The following CSMD2 variants were observed in gnomAD, a reference collection of about 807,000 sequenced individuals.
CSMD2 encodes CUB and Sushi multiple domains 2.
A neutral mutation model predicts 398.5 loss-of-function variants in CSMD2; 130 were observed. That is an observed-to-expected ratio of 0.33 (90% confidence interval 0.28 to 0.38). The LOEUF (loss-of-function observed/expected upper bound fraction) is 0.38. CSMD2 is among the 10% of genes least tolerant of loss of function. The pLI is 1.00. For missense variants in CSMD2, 3,829 were observed against 4,764.9 expected (o/e 0.80, Z 5.78); for synonymous variants, 1,828 against 1,908.5 (o/e 0.96, Z 1.10).
At chr1:33,657,858 C>A (rs1643997965) in intron 27 of CSMD2, 88 bp downstream of exon 27, 6 of 1,298,762 alleles carry the variant, frequency 4.6e-6, no homozygotes, top group Non-Finnish European at 1.1e-6. Context: ...TGGCCCCAGG[C>A]CCAAGATGCA....
At chr1:34,011,104 G>A (rs1383735737) in intron 3 of CSMD2, among the ~76,000 whole-genome samples, 1 of 152,112 alleles carries the variant, frequency 6.6e-6, no homozygotes, top group Non-Finnish European at 1.5e-5. Flanking sequence ...CTTGGTCACT[G>A]TGTTTTGACT....
At position 33,772,691 on chromosome 1, in the gene CSMD2, G is replaced by A. The variant is rs867069952; in HGVS notation, c.1724C>T (p.Ser575Phe). 3 of 1,614,012 alleles carry A rather than the reference G, an allele frequency of 1.9e-6. No individual in the cohort carries two copies. The highest frequency in any genetic ancestry group is 1.3e-5 in the African/African-American group (1 of 74,916). ...GIPAYGRREGSRFHHGDTLKF... is the reference protein window; with the variant it reads ...GIPAYGRREGFRFHHGDTLKF... ...GAGTGTGTCACCGTGGTGAAACCGG[G>A]AGCCTTCCCTCCGGCCATATGCAGG... The change falls in exon 13 of 71, where the codon TCC becomes TTC. Residue 575 changes from serine (S) to phenylalanine (F), a missense_variant. By Grantham distance (155) the Ser-to-Phe change is radical (BLOSUM62 -2). Transcript: ENST00000373381.
chr1:33,521,993 T>C (rs1263561857), intron 67 of CSMD2, among the ~76,000 whole-genome samples: 1 of 152,192 alleles, frequency 6.6e-6, no homozygotes, highest in Non-Finnish European at 1.5e-5. Context: ...CACAGAACCA[T>C]GCTGAAAATG....
intron 14 of CSMD2, among the ~76,000 whole-genome samples, chr1:33,741,467 G>A (rs1647065250): frequency 6.6e-6 from 1 of 152,150 alleles, no homozygotes; most frequent in Non-Finnish European, 1.5e-5. Context: ...TTCTAATTCA[G>A]CAGGTCTAGG....
At chr1:33,909,765 T>C (rs566038585) in intron 5 of CSMD2, among the ~76,000 whole-genome samples, 4 of 152,318 alleles carry the variant, frequency 2.6e-5, no homozygotes, top group Admixed American at 2.6e-4. Flanking sequence ...CAGGTGTAGC[T>C]GTTGATTTTA....
At chr1:33,931,048 C>A (rs191739076) in intron 4 of CSMD2, among the ~76,000 whole-genome samples, 2 of 152,352 alleles carry the variant, frequency 1.3e-5, no homozygotes, top group Admixed American at 1.3e-4. Flanking sequence ...GATTGTCACT[C>A]AGAGCTACTG....
chr1:33,839,775 C>T (rs1660666701), intron 6 of CSMD2: 1 of 152,212 alleles, frequency 6.6e-6, no homozygotes, highest in Non-Finnish European at 1.5e-5. Context: ...TGGTACATTT[C>T]ATCCTTAGAT....
chr1:33,610,804 G>A (rs994934037), intron 41 of CSMD2, among the ~76,000 whole-genome samples: 1 of 152,186 alleles, frequency 6.6e-6, no homozygotes, highest in Non-Finnish European at 1.5e-5. Context: ...CAGAGTGGGA[G>A]CCTCAGAGGG....
intron 25 of CSMD2, among the ~76,000 whole-genome samples, chr1:33,683,504 C>T (rs1262208302): frequency 6.6e-6 from 1 of 152,186 alleles, no homozygotes; most frequent in Non-Finnish European, 1.5e-5. Flanking sequence ...AGGGAACGTG[C>T]ATTTCTTTGG....
In CSMD2 at chr1:33,904,938, G is replaced by A. The variant is rs370635396; in HGVS notation, c.920+13156C>T. Among the ~76,000 whole-genome samples the A allele has an allele frequency of 4.4e-4, 67 of 151,896 alleles. 1 individual carries two copies. In the South Asian group the frequency reaches 0.013, roughly 30 times the overall value. On this transcript the variant is annotated intron_variant, in intron 5 of 70. Coordinates refer to ENST00000373381, the MANE Select transcript of CSMD2 (RefSeq NM_001281956.2). ...TGGGATTACAGGCATGAGCCACCGT[G>A]TCCAGCCGATAGGTTTTATGTTATA...
At chr1:34,165,599 A>AACAC (rs113072230), upstream of CSMD2, 285 of 637,018 alleles carry the variant, frequency 4.5e-4, 1 homozygote, top group South Asian at 5.0e-3. Flanking sequence ...CACACACACA[A>AACAC]ACACACACAC....
At chr1:33,974,799 G>A (rs1645901029) in intron 3 of CSMD2, among the ~76,000 whole-genome samples, 1 of 152,166 alleles carries the variant, frequency 6.6e-6, no homozygotes, top group Non-Finnish European at 1.5e-5. Flanking sequence ...AAGCCTCCAA[G>A]TCCCACAGAA....
At chr1:33,595,008 T>G (rs116082231) in intron 44 of CSMD2, among the ~76,000 whole-genome samples, 2,295 of 152,302 alleles carry the variant, frequency 0.015, 62 homozygotes, top group African/African-American at 0.05. Context: ...ACTAGCACAT[T>G]CTCTCACATA....
intron 15 of CSMD2, among the ~76,000 whole-genome samples, chr1:33,729,632 C>T (rs933295179): frequency 6.7e-6 from 1 of 149,444 alleles, no homozygotes; most frequent in Non-Finnish European, 1.5e-5. Context: ...CCTCCCCCCT[C>T]CCCCCACCCC....
At position 33,533,216 on chromosome 1, in the gene CSMD2, C is replaced by T. The variant is rs1203098288; in HGVS notation, c.10005G>A (p.Arg3335=). The change falls in exon 64 of 71, where the codon AGG becomes AGA. Residue 3335 remains arginine (R), a synonymous_variant. Transcript: ENST00000373381. This position sits in a 1 kb window ranked among gnomAD's most constrained non-coding sequence, Gnocchi z 4.2. ...TPPDCVPHHC[R]QPETPTHANV... ...TGGCATGCGTTGGCGTCTCTGGCTGCCTGCAGTGGTGGGCTGGATGAGAGG... is the reference window on the plus strand; with the variant it reads ...TGGCATGCGTTGGCGTCTCTGGCTGTCTGCAGTGGTGGGCTGGATGAGAGG... 1 of 1,613,768 alleles carries T rather than the reference C, an allele frequency of 6.2e-7. No homozygotes were observed. The highest frequency in any genetic ancestry group is 1.3e-5 in the African/African-American group (1 of 74,946).
intron 27 of CSMD2, among the ~76,000 whole-genome samples, chr1:33,654,464 C>T (rs1408939257): frequency 1.3e-5 from 2 of 152,134 alleles, no homozygotes; most frequent in African/African-American, 2.4e-5. Flanking sequence ...CCCCGCTGGC[C>T]AGCAGGGAGA....
chr1:33,689,469 C>T (rs1315071451), intron 25 of CSMD2, among the ~76,000 whole-genome samples: 1 of 152,094 alleles, frequency 6.6e-6, no homozygotes, highest in Non-Finnish European at 1.5e-5. Context: ...CTGGAGAGGA[C>T]GTTTCCTGTA....
chr1:33,992,904 C>T (rs1455415156), intron 3 of CSMD2, among the ~76,000 whole-genome samples: 1 of 148,048 alleles, frequency 6.8e-6, no homozygotes, highest in East Asian at 2.0e-4. Flanking sequence ...AGTTAGATAA[C>T]TCATGGCACA....
chr1:33,881,409 G>A (rs982780766), intron 5 of CSMD2, among the ~76,000 whole-genome samples: 1 of 152,232 alleles, frequency 6.6e-6, no homozygotes, highest in Non-Finnish European at 1.5e-5. Context: ...AAGTGGAGAT[G>A]CCTGAATTAG....
Sources: gnomAD v4.1 joint callset for allele counts (sites outside exome capture counted in the v4.1 genomes callset) on GRCh38, gnomAD v4.1.1 for gene constraint, Gnocchi (gnomAD v3.1) non-coding constraint, MANE v1.5 for transcripts, NCBI Gene and HGNC (gene_info 2026-07-23, HGNC 2026-07-21) for gene names.